MYLK3: variants seen among roughly 807,000 people sequenced by gnomAD.
MYLK3 encodes the protein myosin light chain kinase 3.
Under a neutral mutation model 76.3 loss-of-function variants are expected in MYLK3, and 55 were observed. That is an observed-to-expected ratio of 0.72 (90% CI 0.58 to 0.90). The LOEUF (loss-of-function observed/expected upper bound fraction) is 0.90. Ranked by LOEUF, MYLK3 falls within the 40% of genes least tolerant of loss-of-function variation. The probability of loss-of-function intolerance (pLI) is 0.00; values close to 1 mark genes in which losing one functional copy is unlikely to be tolerated. For missense variants in MYLK3, 973 were observed against 1,053.6 expected (o/e 0.92, Z 1.06); for synonymous variants, 416 against 425.4 (o/e 0.98, Z 0.27).
At chr16:46,721,090 T>A (rs767068429) in intron 9 of MYLK3, 33 bp downstream of exon 9, 7 of 1,594,096 alleles carry the variant, frequency 4.4e-6, no homozygotes, top group Non-Finnish European at 6.0e-6. Context: ...TCCCAAGGAA[T>A]TTTGTTAAGG....
At position 46,712,172 on chromosome 16, in the gene MYLK3, G is replaced by T. The variant is rs542888127; in HGVS notation, c.2114+476C>A. ...TGCCCAACTAATTTTTTTTGGTTTTGGTAGAGACAGGGTCTCCCTATGTTG... is the reference window on the plus strand; with the variant it reads ...TGCCCAACTAATTTTTTTTGGTTTTTGTAGAGACAGGGTCTCCCTATGTTG... On this transcript the variant is annotated intron_variant, in intron 10 of 12. Transcript: ENST00000394809. Among the ~76,000 whole-genome samples the T allele has an allele frequency of 1.3e-4, 20 of 151,308 alleles. No homozygotes were observed. The South Asian group carries it at 4.0e-3, about 30-fold the overall frequency.
upstream of MYLK3, among the ~76,000 whole-genome samples, chr16:46,751,704 C>T (rs1018379344): frequency 3.9e-5 from 6 of 152,296 alleles, no homozygotes; most frequent in South Asian, 2.1e-4. Flanking sequence ...GAAACCCTGA[C>T]AATCCGGGAA....
In MYLK3 at chr16:46,714,416, G is replaced by A. The variant is rs546359051; in HGVS notation, c.1986-1640C>T. Among the ~76,000 whole-genome samples the A allele has an allele frequency of 3.9e-5, 6 of 152,232 alleles. No homozygotes were observed. The South Asian group carries it at 8.3e-4, about 21-fold the overall frequency. On this transcript the variant is annotated intron_variant, in intron 9 of 12. Transcript: ENST00000394809. The stretch of plus-strand genomic sequence containing the variant: ...AGAGCCAGGCAGACAAAGACTCAGC[G>A]CCAACACAGCTGAGCCCATCCAGTG...
At chr16:46,712,348 A>G (rs748958877) in intron 10 of MYLK3, among the ~76,000 whole-genome samples, 1 of 152,058 alleles carries the variant, frequency 6.6e-6, no homozygotes, top group South Asian at 2.1e-4. Context: ...TCACCGAGAA[A>G]CAGGCCTTTA....
intron 12 of MYLK3, 141 bp downstream of exon 12, chr16:46,709,398 G>T: frequency 1.1e-6 from 1 of 925,116 alleles, no homozygotes; most frequent in Non-Finnish European, 1.6e-6. Flanking sequence ...CTCCAGCCTG[G>T]GCAACAGAGC....
Position 46,703,479 on chromosome 16 carries a change from A to G in MYLK3, c.*4225T>C, listed in dbSNP as rs1440135906. ...AATTCTTCACCAATCTGACAGGTGG[A>G]AAAAGTGTGCCCCAACTACCTTTTA... On this transcript the variant is annotated 3_prime_UTR_variant, in exon 13 of 13. Coordinates refer to ENST00000394809, the MANE Select transcript of MYLK3 (RefSeq NM_182493.3). The G allele has an allele frequency of 6.6e-6, 1 of 152,232 alleles. No individual in the cohort carries two copies. Among genetic ancestry groups the G allele is most frequent in the Non-Finnish European group, 1.5e-5 (1 of 68,044 alleles). The allele number at this position is 152,232 out of a possible 1,614,324, so 9.4% of individuals were successfully genotyped here.
At chr16:46,747,616 G>C in intron 1 of MYLK3, 101 bp downstream of exon 1, 1 of 1,144,256 alleles carries the variant, frequency 8.7e-7, no homozygotes, top group Non-Finnish European at 1.3e-6. Flanking sequence ...ACACAGGAAG[G>C]GGACACCATG....
chr16:46,762,386 T>C (rs959925769), intron 1 of MYLK3, among the ~76,000 whole-genome samples: 3 of 152,216 alleles, frequency 2.0e-5, no homozygotes, highest in African/African-American at 7.2e-5. Flanking sequence ...ATAATAGTCA[T>C]CATTCACCTA....
intron 9 of MYLK3, among the ~76,000 whole-genome samples, chr16:46,717,518 T>A (rs1282895708): frequency 1.3e-5 from 2 of 150,858 alleles, no homozygotes; most frequent in Non-Finnish European, 3.0e-5. Flanking sequence ...GCCCTCATCT[T>A]CCACTGTATG....
At chr16:46,710,095 TCA>T (rs1477522045) in intron 11 of MYLK3, among the ~76,000 whole-genome samples, 2 of 152,228 alleles carry the variant, frequency 1.3e-5, no homozygotes, top group Non-Finnish European at 2.9e-5. Flanking sequence ...ACATAACTTT[TCA>T]CAGTCAGAAA....
chr16:46,740,840 C>T (rs1306976683), intron 1 of MYLK3, among the ~76,000 whole-genome samples: 1 of 152,204 alleles, frequency 6.6e-6, no homozygotes, highest in African/African-American at 2.4e-5. Flanking sequence ...ATGTGAGCTA[C>T]CACGCCCGGC....
Position 46,747,902 on chromosome 16 carries a change from T to C in MYLK3, c.292A>G (p.Arg98Gly). Residue 98 changes from arginine (R) to glycine (G), a missense_variant, in exon 1 of 13, where the codon AGG becomes GGG. Physicochemically the swap from Arg to Gly is moderately radical, Grantham distance 125. Transcript: ENST00000394809. ...AGWPEVLELV[R>G]AMQQDAAQHG... is the part of the protein sequence containing the mutation. ...TGGGCCGCATCCTGCTGCATGGCCC[T>C]CACCAGCTCCAGGACCTCGGGCCAC... The C allele has an allele frequency of 6.2e-7, 1 of 1,613,836 alleles. No homozygotes were observed. Among genetic ancestry groups the C allele is most frequent in the Non-Finnish European group, 8.5e-7 (1 of 1,179,922 alleles).
At chr16:46,724,451 C>A (rs1966830222) in intron 8 of MYLK3, among the ~76,000 whole-genome samples, 1 of 152,050 alleles carries the variant, frequency 6.6e-6, no homozygotes, top group Non-Finnish European at 1.5e-5. Flanking sequence ...GTCTACAATC[C>A]ATTTTGAATT....
Position 46,717,647 on chromosome 16 carries a change from C to T in MYLK3, c.1985+3476G>A, listed in dbSNP as rs183530525. ...GCACTAGAGCCGGCTCTCAGGTGCA[C>T]GGGAGTCCTGAGTGCCTCTCCTTCC... On this transcript the variant is annotated intron_variant, in intron 9 of 12. Coordinates refer to ENST00000394809, the MANE Select transcript of MYLK3 (RefSeq NM_182493.3). Among the ~76,000 whole-genome samples, 321 of 152,172 alleles carry T rather than the reference C, an allele frequency of 2.1e-3. 2 individuals carry two copies. The Middle Eastern group carries it at 0.058, about 27-fold the overall frequency.
intron 12 of MYLK3, among the ~76,000 whole-genome samples, chr16:46,708,287 C>T (rs1023441581): frequency 3.3e-5 from 5 of 152,166 alleles, no homozygotes; most frequent in African/African-American, 1.2e-4. Context: ...TTTTCATCAG[C>T]CTACATCATG....
rs753087592 is a variant in MYLK3, at chr16:46,729,025, A to G, written c.1771T>C (p.Tyr591His). 2 of 1,612,630 alleles carry G rather than the reference A, an allele frequency of 1.2e-6. No homozygotes were observed. Among genetic ancestry groups the G allele is most frequent in the African/African-American group, 1.3e-5 (1 of 74,924 alleles). ...GGCCGCCCCGCCTCTGATACTCACT[A>G]CTCCATGACAAGGGTGCAGCTGTGC... is the stretch of plus-strand genomic sequence containing the variant. Reference protein sequence around the residue: ...SKHSCTLVMEYVDGGELFDRI... With the variant: ...SKHSCTLVMEHVDGGELFDRI... Residue 591 changes from tyrosine to histidine, a missense_variant and splice_region_variant, in exon 7 of 13, where the codon TAC (tyrosine) becomes CAC (histidine). By Grantham distance (83) the Tyr-to-His change is moderately conservative. Coordinates refer to ENST00000394809, the MANE Select transcript of MYLK3 (RefSeq NM_182493.3).
chr16:46,730,757 C>A, intron 4 of MYLK3, 59 bp from the exon 5 acceptor site: 2 of 1,493,092 alleles, frequency 1.3e-6, no homozygotes, highest in South Asian at 2.3e-5. Flanking sequence ...ACCTCTCGGT[C>A]ACCTGTGCCA....
intron 1 of MYLK3, among the ~76,000 whole-genome samples, chr16:46,743,004 C>T (rs1018199462): frequency 4.6e-5 from 7 of 152,176 alleles, no homozygotes; most frequent in African/African-American, 1.7e-4. Flanking sequence ...CTTCCCTTAT[C>T]TTTAGGGTAG....
chr16:46,707,599 A>C lies in MYLK3; in HGVS notation c.*105T>G. On this transcript the variant is annotated 3_prime_UTR_variant, in exon 13 of 13. Transcript: ENST00000394809. ...TAACCATTTTTACAAAATAAGTGGA[A>C]TCAATAATACCAAAAAGCCAAATTA... is the stretch of plus-strand genomic sequence containing the variant. 1.4e-6 allele frequency: 1 copy of C among 710,526 alleles called. No individual in the cohort carries two copies. Among genetic ancestry groups the C allele is most frequent in the African/African-American group, 1.8e-5 (1 of 55,640 alleles). The allele number at this position is 710,526 out of a possible 1,614,324, so 44.0% of individuals were successfully genotyped here.
Sources: gnomAD v4.1 joint callset for allele counts (sites outside exome capture counted in the v4.1 genomes callset) on GRCh38, gnomAD v4.1.1 for gene constraint, MANE v1.5 for transcripts, NCBI Gene and HGNC (gene_info 2026-07-23, HGNC 2026-07-21) for gene names.